TYW2: variants seen among roughly 807,000 people sequenced by gnomAD.
The protein encoded by TYW2 is tRNA wybutosine-synthesizing protein 2 homolog.
At chr8:124,452,228 A>G in the TYW2 span, 7 of 1,614,194 alleles carry the variant, frequency 4.3e-6, no homozygotes, top group Non-Finnish European at 5.9e-6. Flanking sequence ...CATGTGGATC[A>G]CATAGTCCTG....
the TYW2 span, chr8:124,452,831 T>C: frequency 1.2e-5 from 2 of 167,342 alleles, no homozygotes; most frequent in Non-Finnish European, 2.9e-5. Flanking sequence ...TAGATTGATA[T>C]GATAAATAAA....
the TYW2 span, chr8:124,451,106 C>A: frequency 6.2e-7 from 1 of 1,614,050 alleles, no homozygotes; most frequent in Non-Finnish European, 8.5e-7. Context: ...GTGGCGCTAC[C>A]GGTGCTGGGA....
the TYW2 span, chr8:124,451,219 G>A: frequency 2.5e-6 from 4 of 1,614,140 alleles, no homozygotes; most frequent in Non-Finnish European, 2.5e-6. Context: ...TTCGAAGAGG[G>A]CCCAGGGTTG....
chr8:124,451,279 CG>C, the TYW2 span: 1 of 1,614,018 alleles, frequency 6.2e-7, no homozygotes, highest in African/African-American at 1.3e-5. Flanking sequence ...GGTGGAGGGT[CG>C]GGGAGTCAAG....
At chr8:124,451,204 G>C in the TYW2 span, 5 of 1,614,144 alleles carry the variant, frequency 3.1e-6, no homozygotes, top group South Asian at 4.4e-5. Flanking sequence ...CCCGGATCCT[G>C]TTCCTTCGAA....
the TYW2 span, chr8:124,452,254 C>T: frequency 1.2e-6 from 2 of 1,613,494 alleles, no homozygotes. Context: ...GGAATGCTGC[C>T]CCTGTCCTTC....
chr8:124,452,475 A>G, the TYW2 span: 1 of 577,412 alleles, frequency 1.7e-6, no homozygotes, highest in Non-Finnish European at 3.1e-6. Context: ...TGTTTGGGAG[A>G]AGCAGCATGG....
the TYW2 span, chr8:124,451,258 G>A: frequency 1.9e-6 from 3 of 1,614,140 alleles, no homozygotes; most frequent in Non-Finnish European, 2.5e-6. Context: ...GTGTCTTGAG[G>A]TGAGTCGCTG....
the TYW2 span, chr8:124,450,859 C>G: frequency 5.9e-6 from 9 of 1,537,840 alleles, no homozygotes; most frequent in Non-Finnish European, 7.9e-6. Flanking sequence ...TGCAGGCTAC[C>G]TTATTTAAGA....
At chr8:124,451,303 T>C in the TYW2 span, 518,864 of 1,613,802 alleles carry the variant, frequency 0.32, 88,474 homozygotes, top group Non-Finnish European at 0.35. Flanking sequence ...GTCAGCCGAG[T>C]TGGAGGCTGA....
At chr8:124,452,245 GA>G in the TYW2 span, 1 of 1,613,886 alleles carries the variant, frequency 6.2e-7, no homozygotes, top group African/African-American at 1.3e-5. Context: ...CCTGGATCTG[GA>G]ATGCTGCCCC....
At chr8:124,450,955 A>G in the TYW2 span, 1 of 1,614,106 alleles carries the variant, frequency 6.2e-7, no homozygotes, top group South Asian at 1.1e-5. Context: ...TGTTAGCAAC[A>G]TGGAGAGAGA....
chr8:124,451,164 C>A, the TYW2 span: 1 of 1,614,106 alleles, frequency 6.2e-7, no homozygotes, highest in Non-Finnish European at 8.5e-7. Context: ...ATCGTGTTGC[C>A]CCAGGCAGTC....
At chr8:124,451,869 T>C in the TYW2 span, 1 of 1,614,188 alleles carries the variant, frequency 6.2e-7, no homozygotes, top group South Asian at 1.1e-5. Flanking sequence ...TTCCCAGCTC[T>C]GAAGAAGGCT....
At chr8:124,452,270 G>A in the TYW2 span, 1 of 1,612,604 alleles carries the variant, frequency 6.2e-7, no homozygotes, top group Non-Finnish European at 8.5e-7. Context: ...CCTTCAGTTG[G>A]CTAGAGGAGG....
At chr8:124,450,890 G>A in the TYW2 span, 1 of 1,574,894 alleles carries the variant, frequency 6.3e-7, no homozygotes, top group Non-Finnish European at 8.6e-7. Flanking sequence ...AGTCAGCCTG[G>A]TGAGCCGACT....
the TYW2 span, chr8:124,451,630 G>A: frequency 1.2e-6 from 2 of 1,614,054 alleles, no homozygotes; most frequent in Non-Finnish European, 8.5e-7. Context: ...GTCCTGTGCT[G>A]GAGAAGTGCT....
the TYW2 span, chr8:124,452,018 A>G: frequency 2.5e-6 from 4 of 1,614,110 alleles, no homozygotes; most frequent in Non-Finnish European, 3.4e-6. Context: ...CTGTATCCTC[A>G]GCAAATTACC....
chr8:124,452,074 A>G, the TYW2 span: 1 of 1,614,130 alleles, frequency 6.2e-7, no homozygotes, highest in Non-Finnish European at 8.5e-7. Flanking sequence ...TAGGGGAAAA[A>G]TGCTGTCACC....
Sources: gnomAD v4.1 joint callset for allele counts on GRCh38, gnomAD v4.1.1 for gene constraint, MANE v1.5 for transcripts, NCBI Gene and HGNC (gene_info 2026-07-23, HGNC 2026-07-21) for gene names.